The following XPO4 variants were observed in gnomAD, a reference collection of about 807,000 sequenced individuals.
The protein encoded by XPO4 is exportin 4.
Under a neutral mutation model 143.0 loss-of-function variants are expected in XPO4, and 39 were observed. The observed-to-expected ratio is 0.27, with a 90% CI of 0.21 to 0.36. The LOEUF (loss-of-function observed/expected upper bound fraction) is 0.36. Among genes scored for constraint, XPO4 ranks in the 10% least tolerant of loss-of-function variants. The probability of loss-of-function intolerance (pLI) is 1.00; values close to 1 mark genes in which losing one functional copy is unlikely to be tolerated. For synonymous variants in XPO4, 439 were observed against 474.0 expected (o/e 0.93, Z 0.96); for missense variants, 907 against 1,348.0 (o/e 0.67, Z 5.12).
chr13:20,877,291 C>T (rs2060361778), intron 1 of XPO4, among the ~76,000 whole-genome samples: 1 of 152,162 alleles, frequency 6.6e-6, no homozygotes, highest in Admixed American at 6.5e-5. Flanking sequence ...GTAACAAGAC[C>T]CTAATTTTAT....
intron 1 of XPO4, among the ~76,000 whole-genome samples, chr13:20,885,259 G>T (rs1287984611): frequency 6.6e-6 from 1 of 152,076 alleles, no homozygotes; most frequent in Non-Finnish European, 1.5e-5. Flanking sequence ...CAGGAGAGAG[G>T]TATTTTTAAG....
intron 6 of XPO4, among the ~76,000 whole-genome samples, chr13:20,827,884 T>C (rs1415910911): frequency 5.9e-5 from 9 of 152,172 alleles, no homozygotes. Flanking sequence ...CATCATATAT[T>C]TGTAGGTTTT....
intron 6 of XPO4, among the ~76,000 whole-genome samples, chr13:20,841,245 C>A (rs113879944): frequency 6.6e-6 from 1 of 152,070 alleles, no homozygotes; most frequent in Non-Finnish European, 1.5e-5. Flanking sequence ...ACTGAAAACA[C>A]TGGAGCAAGA....
At chr13:20,829,766 G>A (rs569942122) in intron 6 of XPO4, among the ~76,000 whole-genome samples, 37 of 152,242 alleles carry the variant, frequency 2.4e-4, no homozygotes, top group Non-Finnish European at 4.4e-4. Flanking sequence ...TACAGCAAGG[G>A]GGGCAACAGT....
intron 6 of XPO4, among the ~76,000 whole-genome samples, chr13:20,835,707 A>G (rs2059907161): frequency 6.6e-6 from 1 of 152,208 alleles, no homozygotes; most frequent in Non-Finnish European, 1.5e-5. Flanking sequence ...TGACCCTTGA[A>G]TAACACAGGT....
rs549453823 is a variant in XPO4 at position 20,866,363 on chromosome 13, A to G, written c.175+2233T>C. ...AAACTCAAGTTAGAAGTGAGAAGGA[A>G]GAATTTTAAGAGGCCAGAAAAGGGA... On this transcript the variant is annotated intron_variant, in intron 2 of 22. Coordinates refer to ENST00000255305, the MANE Select transcript of XPO4 (RefSeq NM_022459.5). The G allele has an allele frequency of 5.1e-6, 5 of 985,058 alleles. No individual in the cohort carries two copies. The East Asian group carries it at 4.5e-4, about 89-fold the overall frequency. 61.0% of individuals were successfully genotyped at this position (985,058 alleles called of 1,614,324 possible).
chr13:20,817,883 C>T (rs2059669379), intron 9 of XPO4, among the ~76,000 whole-genome samples: 1 of 152,104 alleles, frequency 6.6e-6, no homozygotes, highest in Admixed American at 6.6e-5. Context: ...GCAACCTCTG[C>T]CTCCCGGGTT....
chr13:20,779,784 T>C lies in XPO4; in HGVS notation c.*3938A>G, dbSNP rs1329071623. On this transcript the variant is annotated 3_prime_UTR_variant, in exon 23 of 23. Transcript: ENST00000255305. ...ACCAAACATATTCTTTGGTTAACTA[T>C]GTCATGGGTTCTCACTATAATCAAC... 6.6e-6 allele frequency: 1 copy of C among 152,650 alleles called. No individual in the cohort carries two copies. The highest frequency in any genetic ancestry group is 1.5e-5 in the Non-Finnish European group (1 of 68,038). 9.5% of individuals were successfully genotyped at this position (152,650 alleles called of 1,614,324 possible).
chr13:20,784,982 C>T (rs2059182623), intron 22 of XPO4, among the ~76,000 whole-genome samples: 1 of 152,090 alleles, frequency 6.6e-6, no homozygotes, highest in Non-Finnish European at 1.5e-5. Context: ...ATCCTCCTAC[C>T]TCAGCCTCCT....
chr13:20,827,912 G>C (rs1165812044), intron 6 of XPO4, among the ~76,000 whole-genome samples: 1 of 152,060 alleles, frequency 6.6e-6, no homozygotes, highest in Non-Finnish European at 1.5e-5. Flanking sequence ...ACGATTCATT[G>C]ATACTGCCAC....
At chr13:20,865,200 G>A (rs955456029) in intron 2 of XPO4, among the ~76,000 whole-genome samples, 13 of 150,844 alleles carry the variant, frequency 8.6e-5, no homozygotes, top group South Asian at 4.2e-4. Context: ...ATGCAATGGC[G>A]CAATCTCGGC....
intron 1 of XPO4, among the ~76,000 whole-genome samples, chr13:20,893,112 T>C (rs996496333): frequency 1.3e-5 from 2 of 152,004 alleles, no homozygotes; most frequent in African/African-American, 4.8e-5. Context: ...CTAGTGTGGC[T>C]GATGAAGAGA....
chr13:20,778,939 A>G lies in XPO4; in HGVS notation c.*4783T>C, dbSNP rs1595038372. On this transcript the variant is annotated 3_prime_UTR_variant, in exon 23 of 23. Coordinates refer to ENST00000255305, the MANE Select transcript of XPO4 (RefSeq NM_022459.5). ...CCATTTATGAATTTTAAAAATACAA[A>G]TAAAATTTTATCAACCTGATATTCA... is the stretch of plus-strand genomic sequence containing the variant. 6.6e-6 allele frequency: 1 copy of G among 152,200 alleles called. No homozygotes were observed. The highest frequency in any genetic ancestry group is 6.5e-5 in the Admixed American group (1 of 15,286). 9.4% of individuals were successfully genotyped at this position (152,200 alleles called of 1,614,324 possible). A position where few individuals can be genotyped will look rare whatever the true frequency, so the allele number is the denominator to read the frequency against.
At chr13:20,804,915 G>C (rs1355536462) in intron 13 of XPO4, among the ~76,000 whole-genome samples, 1 of 151,304 alleles carries the variant, frequency 6.6e-6, no homozygotes, top group Admixed American at 6.6e-5. Flanking sequence ...TGGTCTCCTG[G>C]CTTCCATCAT....
At chr13:20,861,777 C>CTCTTTTTTTTT (rs1370810623) in intron 3 of XPO4, among the ~76,000 whole-genome samples, 3 of 73,442 alleles carry the variant, frequency 4.1e-5, no homozygotes, top group Middle Eastern at 0.011. Context: ...ACATTTCTCT[C>CTCTTTTTTTTT]TTTTTTTTTT....
Position 20,855,627 on chromosome 13 carries a change from C to G in XPO4, c.456G>C (p.Val152=). Residue 152 remains valine (V), a splice_region_variant and synonymous_variant, in exon 4 of 23, where the codon GTG becomes GTC. Transcript: ENST00000255305. ...SQLISSGNPT[V]QTLACSILTA... ...TTATAAATACAAATAGCACACTTAC[C>G]ACAGTGGGATTGCCACTACTAATCA... is the stretch of plus-strand genomic sequence containing the variant. 1 of 1,596,282 alleles carries G rather than the reference C, an allele frequency of 6.3e-7. No individual in the cohort carries two copies. The highest frequency in any genetic ancestry group is 8.5e-7 in the Non-Finnish European group (1 of 1,175,146).
chr13:20,820,037 T>C (rs547889837), intron 9 of XPO4, among the ~76,000 whole-genome samples: 5 of 152,348 alleles, frequency 3.3e-5, no homozygotes, highest in South Asian at 2.1e-4. Context: ...TCCTTTTCAA[T>C]AGGTGACCAA....
In XPO4 at chr13:20,795,685, C is replaced by T. The variant is rs141005363; in HGVS notation, c.2797+391G>A. Among the ~76,000 whole-genome samples the T allele has an allele frequency of 4.6e-3, 696 of 152,266 alleles. 9 individuals are homozygous for T. Among genetic ancestry groups the T allele is most frequent in the African/African-American group, 0.016 (658 of 41,534 alleles). ...GTCAGGAAGTGTAACTCTGAAGAGA[C>T]TGGCATCTGGAGTCACAGGCTGGGA... On this transcript the variant is annotated intron_variant, in intron 18 of 22. Transcript: ENST00000255305.
Position 20,809,905 on chromosome 13 carries a change from A to C in XPO4, c.1236T>G (p.Thr412=). ...AYDKLLESWL[T]LVQDDKHFHK... is the part of the protein sequence containing the mutation. ...GGAAATGTTTGTCATCTTGAACCAA[A>C]GTTAACCAGGACTCCAACAATTTAT... The change falls in exon 10 of 23, where the codon ACT becomes ACG. Residue 412 remains threonine (T), a synonymous_variant. Transcript: ENST00000255305. 2 of 1,613,948 alleles carry C rather than the reference A, an allele frequency of 1.2e-6. No individual in the cohort carries two copies.
Sources: gnomAD v4.1 joint callset for allele counts (sites outside exome capture counted in the v4.1 genomes callset) on GRCh38, gnomAD v4.1.1 for gene constraint, MANE v1.5 for transcripts, NCBI Gene and HGNC (gene_info 2026-07-23, HGNC 2026-07-21) for gene names.